The following SCN11A variants were observed in gnomAD, a reference collection of about 807,000 sequenced individuals.
SCN11A encodes sodium voltage-gated channel alpha subunit 11, also known as sodium channel protein type 11 subunit alpha.
A neutral mutation model predicts 162.2 loss-of-function variants in SCN11A; 122 were observed. That is an observed-to-expected ratio of 0.75 (90% confidence interval 0.65 to 0.87). The LOEUF (loss-of-function observed/expected upper bound fraction) is 0.87, where lower values mean the gene tolerates loss of function less well. Ranked by LOEUF, SCN11A falls within the 40% of genes least tolerant of loss-of-function variation. The probability of loss-of-function intolerance (pLI) is 0.00; values close to 1 mark genes in which losing one functional copy is unlikely to be tolerated. For synonymous variants in SCN11A, 758 were observed against 751.5 expected, an observed-to-expected ratio of 1.01 and a Z score of -0.14; for missense variants, 2,015 against 2,181.6, an observed-to-expected ratio of 0.92 and a Z score of 1.52.
intron 2 of SCN11A, among the ~76,000 whole-genome samples, chr3:39,028,493 T>C (rs1361501151): frequency 1.3e-5 from 2 of 152,224 alleles, no homozygotes; most frequent in East Asian, 3.8e-4. Context: ...CAGGTCAAAC[T>C]GAGACAATAA....
chr3:38,919,995 C>A lies in SCN11A; in HGVS notation c.899G>T (p.Cys300Phe). The change falls in exon 11 of 30, where the codon TGC (cysteine) becomes TTC (phenylalanine). Residue 300 changes from cysteine to phenylalanine, a missense_variant. Coordinates refer to ENST00000302328, the MANE Select transcript of SCN11A (RefSeq NM_001349253.2). Reference sequence around the variant, plus strand: ...AGGTGAATTTTCTTTCTTTTCAAAGCAATGGTCTGAGAGAGGAAAAAGTCA... The same window carrying A: ...AGGTGAATTTTCTTTCTTTTCAAAGAAATGGTCTGAGAGAGGAAAAAGTCA... ...NISNPEAYDH[C>F]FEKKENSPEF... is the part of the protein sequence containing the mutation. 1.2e-6 allele frequency: 2 copies of A among 1,611,856 alleles called. No individual in the cohort carries two copies. The highest frequency in any genetic ancestry group is 1.7e-6 in the Non-Finnish European group (2 of 1,178,536).
chr3:38,900,241 C>T (rs1034062669), intron 16 of SCN11A, among the ~76,000 whole-genome samples, 168 bp from the exon 17 acceptor site: 1 of 152,160 alleles, frequency 6.6e-6, no homozygotes, highest in East Asian at 1.9e-4. Flanking sequence ...TAGCATGAAC[C>T]TCACTATGAC....
rs532251538 is a variant in SCN11A at position 39,038,083 on chromosome 3, C to T, written c.-403-5580G>A. ...TATCTTTGTGAGAGCTGTGAAGGCG[C>T]TGTGACATTTCCACTCCCCATGAGG... On this transcript the variant is annotated intron_variant, in intron 1 of 29. Coordinates refer to ENST00000302328, the MANE Select transcript of SCN11A (RefSeq NM_001349253.2). Among the ~76,000 whole-genome samples the T allele has an allele frequency of 2.0e-5, 3 of 152,278 alleles. No individual in the cohort carries two copies. The South Asian group carries it at 6.2e-4, about 32-fold the overall frequency.
At chr3:39,044,131 A>T (rs1220926550) in intron 1 of SCN11A, among the ~76,000 whole-genome samples, 1 of 152,212 alleles carries the variant, frequency 6.6e-6, no homozygotes, top group Non-Finnish European at 1.5e-5. Context: ...TAAAGGGATC[A>T]ATTCAGTAAA....
At chr3:39,004,578 T>C (rs890696425) in intron 2 of SCN11A, among the ~76,000 whole-genome samples, 6 of 152,206 alleles carry the variant, frequency 3.9e-5, no homozygotes, top group African/African-American at 1.4e-4. Flanking sequence ...GGTAGTTTGA[T>C]AGGAATAGCA....
intron 2 of SCN11A, among the ~76,000 whole-genome samples, chr3:38,984,413 T>C (rs6793292): frequency 0.035 from 5,340 of 152,264 alleles, 246 homozygotes; most frequent in African/African-American, 0.11. Flanking sequence ...AAATCCAATA[T>C]GGCACCTTAG....
intron 28 of SCN11A, among the ~76,000 whole-genome samples, chr3:38,855,437 G>A (rs1455137644): frequency 2.6e-5 from 4 of 152,108 alleles, no homozygotes; most frequent in Admixed American, 2.0e-4. Context: ...TTCTCTACCT[G>A]TCCTAGTAGC....
intron 1 of SCN11A, among the ~76,000 whole-genome samples, chr3:39,051,515 CT>C (rs2032377428): frequency 6.6e-6 from 1 of 152,178 alleles, no homozygotes; most frequent in Admixed American, 6.5e-5. Context: ...TTTGCTCCCC[CT>C]GAAGATGGAG....
chr3:39,051,024 T>C (rs2032345339), intron 1 of SCN11A, among the ~76,000 whole-genome samples: 1 of 152,168 alleles, frequency 6.6e-6, no homozygotes, highest in Non-Finnish European at 1.5e-5. Flanking sequence ...CAAACCTAAC[T>C]GTTCCAGTAT....
chr3:38,916,895 G>A (rs1312784876), intron 11 of SCN11A, among the ~76,000 whole-genome samples: 1 of 152,182 alleles, frequency 6.6e-6, no homozygotes, highest in Non-Finnish European at 1.5e-5. Flanking sequence ...GATGATCACA[G>A]ACCTGCCTTC....
chr3:38,971,006 G>A (rs911289652), intron 2 of SCN11A, among the ~76,000 whole-genome samples: 6 of 152,132 alleles, frequency 3.9e-5, no homozygotes, highest in Non-Finnish European at 8.8e-5. Context: ...AGGGTCCAGG[G>A]TCTCACAGCC....
intron 2 of SCN11A, among the ~76,000 whole-genome samples, chr3:38,986,636 G>GT (rs1553647987): frequency 5.9e-5 from 9 of 151,888 alleles, no homozygotes; most frequent in Non-Finnish European, 1.2e-4. Context: ...CTGTGTGTGT[G>GT]TGTTGTTGTT....
intron 2 of SCN11A, among the ~76,000 whole-genome samples, chr3:39,016,643 G>A (rs1225158256): frequency 3.3e-5 from 5 of 151,512 alleles, no homozygotes; most frequent in African/African-American, 7.3e-5. Context: ...TACTCTTGTC[G>A]CCAGGCTGGA....
intron 2 of SCN11A, among the ~76,000 whole-genome samples, chr3:39,031,538 C>A (rs140028833): frequency 0.23 from 28,997 of 124,620 alleles, 3,222 homozygotes; most frequent in African/African-American, 0.47. Flanking sequence ...AAAAAACAAA[C>A]AAACAAAAAA....
At chr3:38,914,698 G>A (rs1025548603) in intron 11 of SCN11A, among the ~76,000 whole-genome samples, 2 of 152,182 alleles carry the variant, frequency 1.3e-5, no homozygotes, top group East Asian at 3.9e-4. Context: ...GAACATGAAT[G>A]GATGTTGAGT....
At chr3:38,886,816 T>C (rs780170821) in intron 19 of SCN11A, among the ~76,000 whole-genome samples, 27 of 151,404 alleles carry the variant, frequency 1.8e-4, no homozygotes, top group Non-Finnish European at 2.8e-4. Flanking sequence ...AACTGAAAAA[T>C]AAATTTGTTC....
In SCN11A at chr3:38,896,854, T is replaced by C. The variant is rs1410513006; in HGVS notation, c.2394A>G (p.Gly798=). The change falls in exon 18 of 30, where the codon GGA becomes GGG. Residue 798 remains glycine, a synonymous_variant. Coordinates refer to ENST00000302328, the MANE Select transcript of SCN11A (RefSeq NM_001349253.2). ...VIVFILITVI[G]KLVVLNLFIA... ...AATCTAAGACACATACCACAAGTTT[T>C]CCTATCACCGTGATCAATATGAAGA... 2 of 1,546,114 alleles carry C rather than the reference T, an allele frequency of 1.3e-6. No homozygotes were observed. Among genetic ancestry groups the C allele is most frequent in the African/African-American group, 1.4e-5 (1 of 72,438 alleles).
intron 12 of SCN11A, among the ~76,000 whole-genome samples, chr3:38,909,859 A>G (rs2065860882): frequency 6.6e-6 from 1 of 152,182 alleles, no homozygotes; most frequent in African/African-American, 2.4e-5. Flanking sequence ...GGCGGGAGTC[A>G]GCGTGCCTGG....
In SCN11A at chr3:38,953,683, A is replaced by G. The variant is rs1039348507; in HGVS notation, c.-62T>C. Among the ~76,000 whole-genome samples the G allele has an allele frequency of 6.6e-6, 1 of 152,166 alleles. No homozygotes were observed. The highest frequency in any genetic ancestry group is 2.4e-5 in the African/African-American group (1 of 41,434). ...ACAGTGTGGCCACTCACTGAGACAG[A>G]GAGTGCAAGAAAAGGAGGGCACTGC... is the stretch of plus-strand genomic sequence containing the variant. On this transcript the variant is annotated 5_prime_UTR_variant, in exon 4 of 30. Transcript: ENST00000302328.
Sources: gnomAD v4.1 joint callset for allele counts (sites outside exome capture counted in the v4.1 genomes callset) on GRCh38, gnomAD v4.1.1 for gene constraint, MANE v1.5 for transcripts, NCBI Gene and HGNC (gene_info 2026-07-23, HGNC 2026-07-21) for gene names.